Variants in SLC2A13 observed in about 807,000 individuals in gnomAD.
SLC2A13 encodes the protein proton myo-inositol cotransporter.
In SLC2A13, 32 loss-of-function variants were observed where a neutral mutation model predicts 64.4. The ratio of observed to expected loss-of-function variants is 0.50; its 90% confidence interval spans 0.37 to 0.67. The LOEUF (loss-of-function observed/expected upper bound fraction) is 0.67. Among genes scored for constraint, SLC2A13 ranks in the 30% least tolerant of loss-of-function variants. The pLI is 0.00. For missense variants in SLC2A13, 743 were observed against 829.2 expected, an observed-to-expected ratio of 0.90 and a Z score of 1.28; for synonymous variants, 338 against 327.1, an observed-to-expected ratio of 1.03 and a Z score of -0.36.
At chr12:39,828,060 A>G (rs903414864) in intron 7 of SLC2A13, among the ~76,000 whole-genome samples, 1 of 152,086 alleles carries the variant, frequency 6.6e-6, no homozygotes, top group Non-Finnish European at 1.5e-5. Context: ...CAAACCACCA[A>G]TCAACCAACA....
chr12:39,919,243 T>C (rs1390148879), intron 4 of SLC2A13, among the ~76,000 whole-genome samples: 2 of 152,100 alleles, frequency 1.3e-5, no homozygotes, highest in Non-Finnish European at 2.9e-5. Flanking sequence ...ATAAATATTG[T>C]AGCATGAAAG....
intron 7 of SLC2A13, among the ~76,000 whole-genome samples, chr12:39,789,341 T>G (rs1483378260): frequency 1.3e-5 from 2 of 152,182 alleles, no homozygotes; most frequent in Non-Finnish European, 2.9e-5. Flanking sequence ...AATTTCTTAA[T>G]ATTATGCTTT....
chr12:39,852,338 T>C (rs1438858769), intron 6 of SLC2A13, among the ~76,000 whole-genome samples: 2 of 152,354 alleles, frequency 1.3e-5, no homozygotes, highest in East Asian at 3.9e-4. Flanking sequence ...ATTATGACTG[T>C]AATCAGTTGT....
At chr12:39,897,473 C>T (rs1362034830) in intron 4 of SLC2A13, among the ~76,000 whole-genome samples, 2 of 152,162 alleles carry the variant, frequency 1.3e-5, no homozygotes, top group Admixed American at 1.3e-4. Flanking sequence ...AATGTTTCTA[C>T]AGGGAATTGT....
chr12:39,994,920 AG>A (rs1299858912), intron 3 of SLC2A13, among the ~76,000 whole-genome samples: 1 of 152,260 alleles, frequency 6.6e-6, no homozygotes, highest in African/African-American at 2.4e-5. Context: ...TTCAGTGAAC[AG>A]GCATATCAAC....
At chr12:40,015,133 T>G (rs1484987541) in intron 3 of SLC2A13, among the ~76,000 whole-genome samples, 1 of 151,808 alleles carries the variant, frequency 6.6e-6, no homozygotes, top group Admixed American at 6.6e-5. Flanking sequence ...TACTTAAGAC[T>G]ATCAGAACAA....
At chr12:39,778,463 T>TTAAC (rs146796951) in intron 7 of SLC2A13, among the ~76,000 whole-genome samples, 4,720 of 152,256 alleles carry the variant, frequency 0.031, 253 homozygotes, top group African/African-American at 0.11. Flanking sequence ...ACGAAGTTAG[T>TTAAC]TATTTCTTTG....
intron 3 of SLC2A13, among the ~76,000 whole-genome samples, chr12:40,010,378 A>G (rs1014277402): frequency 2.0e-5 from 3 of 152,210 alleles, no homozygotes; most frequent in African/African-American, 7.2e-5. Flanking sequence ...TTACATTTAT[A>G]AATAATTTTA....
intron 4 of SLC2A13, among the ~76,000 whole-genome samples, chr12:39,937,052 A>T (rs1267804227): frequency 1.3e-5 from 2 of 152,154 alleles, no homozygotes; most frequent in Non-Finnish European, 2.9e-5. Flanking sequence ...GCCATGAAGG[A>T]GATTTAAGTT....
At chr12:39,922,112 C>A (rs1945624483) in intron 4 of SLC2A13, among the ~76,000 whole-genome samples, 1 of 152,048 alleles carries the variant, frequency 6.6e-6, no homozygotes, top group Non-Finnish European at 1.5e-5. Context: ...TAGAGGTGTA[C>A]AAACACTTAA....
chr12:39,843,257 C>A (rs1943222475), intron 6 of SLC2A13, among the ~76,000 whole-genome samples: 1 of 151,890 alleles, frequency 6.6e-6, no homozygotes, highest in South Asian at 2.1e-4. Context: ...GATACTGGTA[C>A]AGAATGAGTC....
chr12:39,915,773 G>C (rs1001924655), intron 4 of SLC2A13, among the ~76,000 whole-genome samples: 2 of 151,760 alleles, frequency 1.3e-5, no homozygotes, highest in Admixed American at 1.3e-4. Context: ...TAACTGAGTA[G>C]TGCCAAATTT....
chr12:39,930,367 T>C (rs898393590), intron 4 of SLC2A13, among the ~76,000 whole-genome samples: 1 of 152,020 alleles, frequency 6.6e-6, no homozygotes, highest in Non-Finnish European at 1.5e-5. Context: ...GGGAACAATA[T>C]TTCCATCATC....
chr12:39,865,850 G>C (rs946263824), intron 5 of SLC2A13, among the ~76,000 whole-genome samples: 2 of 152,128 alleles, frequency 1.3e-5, no homozygotes, highest in Non-Finnish European at 2.9e-5. Flanking sequence ...TACAATGAAG[G>C]GAACAACAGA....
intron 7 of SLC2A13, among the ~76,000 whole-genome samples, chr12:39,818,987 A>T (rs959779891): frequency 6.6e-6 from 1 of 152,176 alleles, no homozygotes; most frequent in African/African-American, 2.4e-5. Context: ...CAAAAACTCA[A>T]TGTTAAACGA....
chr12:39,917,729 T>C (rs568767148), intron 4 of SLC2A13, among the ~76,000 whole-genome samples: 2 of 152,068 alleles, frequency 1.3e-5, no homozygotes, highest in South Asian at 4.1e-4. Flanking sequence ...CTGGGTTTCC[T>C]GCTTTCAGAT....
chr12:39,843,760 A>G (rs1239841801), intron 6 of SLC2A13, among the ~76,000 whole-genome samples: 2 of 152,092 alleles, frequency 1.3e-5, no homozygotes, highest in African/African-American at 2.4e-5. Context: ...TATCTGAGAT[A>G]TAAGCAGAGT....
intron 3 of SLC2A13, among the ~76,000 whole-genome samples, chr12:40,018,978 A>G (rs902916332): frequency 6.6e-6 from 1 of 152,200 alleles, no homozygotes; most frequent in Non-Finnish European, 1.5e-5. Context: ...GAAGTTTAAT[A>G]ATAAGTTAAG....
At chr12:39,961,554 A>G (rs1946413645) in intron 3 of SLC2A13, among the ~76,000 whole-genome samples, 1 of 152,148 alleles carries the variant, frequency 6.6e-6, no homozygotes, top group African/African-American at 2.4e-5. Flanking sequence ...ACTAGAGTGC[A>G]CTGGTATGAT....
Sources: allele counts gnomAD v4.1 joint callset (sites outside exome capture counted in the v4.1 genomes callset), GRCh38; gene constraint gnomAD v4.1.1; transcripts MANE v1.5; gene names NCBI Gene and HGNC (gene_info 2026-07-23, HGNC 2026-07-21).